The following FOXM1 variants were observed in gnomAD, a reference collection of about 807,000 sequenced individuals.
FOXM1 encodes forkhead box M1, also known as forkhead box protein M1.
A neutral mutation model predicts 63.6 loss-of-function variants in FOXM1; 25 were observed. The ratio of observed to expected loss-of-function variants is 0.39; its 90% CI spans 0.29 to 0.55. The LOEUF (loss-of-function observed/expected upper bound fraction) is 0.55, where lower values mean the gene tolerates loss of function less well. FOXM1 is among the 20% of genes least tolerant of loss of function. The pLI is 0.60. For synonymous variants in FOXM1, 387 were observed against 376.9 expected (o/e 1.03, Z -0.31); for missense variants, 879 against 958.7 (o/e 0.92, Z 1.10).
chr12:2,872,857 G>A lies in FOXM1; in HGVS notation c.503-610C>T, dbSNP rs2098135466. 6.6e-6 allele frequency among the ~76,000 whole-genome samples: 1 copy of A among 151,998 alleles called. No individual in the cohort carries two copies. The highest frequency in any genetic ancestry group is 6.6e-5 in the Admixed American group (1 of 15,250). Reference sequence around the variant, plus strand: ...TGCACACCAAAAAAGTCACTTTTCAGCCTGGGCAATATAGTGGGACCCCAT... The same window carrying A: ...TGCACACCAAAAAAGTCACTTTTCAACCTGGGCAATATAGTGGGACCCCAT... On this transcript the variant is annotated intron_variant, in intron 2 of 8. Transcript: ENST00000359843. This position sits in a 1 kb window ranked among gnomAD's most constrained non-coding sequence, Gnocchi z 4.0.
rs770475263 is a variant in FOXM1 at position 2,864,479 on chromosome 12, T to C, written c.1107A>G (p.Pro369=). Residue 369 remains proline, a synonymous_variant, in exon 8 of 9, where the codon CCA becomes CCG. Coordinates refer to ENST00000359843, the MANE Select transcript of FOXM1 (RefSeq NM_021953.4). This position sits in a 1 kb window ranked among gnomAD's most constrained non-coding sequence, Gnocchi z 5.1. ...LPLGARRKMK[P]LLPRVSSYLV... ...GGTATGAGCTGACCCGTGGTAGCAGTGGCTTCATCTTCCGCCCTAGGAGGA... is the reference window on the plus strand; with the variant it reads ...GGTATGAGCTGACCCGTGGTAGCAGCGGCTTCATCTTCCGCCCTAGGAGGA... The C allele has an allele frequency of 4.7e-5, 76 of 1,612,296 alleles. No homozygotes were observed. The highest frequency in any genetic ancestry group is 6.4e-5 in the Non-Finnish European group (75 of 1,178,668).
rs755898214 is a variant in FOXM1, at chr12:2,859,187, G to A, written c.1743C>T (p.Ser581=). 6.2e-7 allele frequency: 1 copy of A among 1,610,594 alleles called. No homozygotes were observed. Among genetic ancestry groups the A allele is most frequent in the Non-Finnish European group, 8.5e-7 (1 of 1,177,990 alleles). The change falls in exon 9 of 9, where the codon TCC becomes TCT. Residue 581 remains serine, a synonymous_variant. Transcript: ENST00000359843. ...WAAELPFPAD[S]SDPASQLSYS... ...AGCTGAGCTGGGAGGCAGGGTCAGA[G>A]GAGTCTGCTGGGAACGGGAGCTCTG...
chr12:2,869,735 C>A (rs1565474387), intron 3 of FOXM1, among the ~76,000 whole-genome samples: 1 of 145,600 alleles, frequency 6.9e-6, no homozygotes, highest in Non-Finnish European at 1.5e-5. Flanking sequence ...TTGCGCCTGG[C>A]GATTTTTTTT....
rs182676992 is a variant in FOXM1, at chr12:2,870,530, G to A, written c.654+1566C>T. 8.8e-3 allele frequency among the ~76,000 whole-genome samples: 1,334 copies of A among 152,000 alleles called. 8 individuals carry two copies. The highest frequency in any genetic ancestry group is 0.014 in the Non-Finnish European group (972 of 67,988). On this transcript the variant is annotated intron_variant, in intron 3 of 8. Coordinates refer to ENST00000359843, the MANE Select transcript of FOXM1 (RefSeq NM_021953.4). ...ATAAAAAAATTAGCCGGGCGTGGTG[G>A]CGGGCGCCTATAGTCCCAGCTACTC...
In FOXM1 at chr12:2,868,768, C is replaced by A; in HGVS notation, c.655-14G>T. 1.2e-6 allele frequency: 2 copies of A among 1,601,950 alleles called. No individual in the cohort carries two copies. Among genetic ancestry groups the A allele is most frequent in the South Asian group, 2.2e-5 (2 of 89,128 alleles). On this transcript the variant is annotated splice_polypyrimidine_tract_variant and intron_variant, in intron 3 of 8. Coordinates refer to ENST00000359843, the MANE Select transcript of FOXM1 (RefSeq NM_021953.4). ...AGGCTCCTCAACCTGAGGGTTATGA[C>A]ACAGGGAATGACATGAAAGAGTTCA...
chr12:2,860,317 A>C (rs980506319), intron 8 of FOXM1, among the ~76,000 whole-genome samples: 6 of 152,140 alleles, frequency 3.9e-5, no homozygotes, highest in African/African-American at 1.4e-4. Flanking sequence ...TCCCATCTCT[A>C]CAAAAAAATT....
Position 2,875,613 on chromosome 12 carries a change from A to G in FOXM1, c.-47-1088T>C, listed in dbSNP as rs115389938. ...GTGGTTATATATATTTTAACTAAGC[A>G]TGCCACTTTATTAATTTCTTTTCCA... On this transcript the variant is annotated intron_variant, in intron 1 of 8. Transcript: ENST00000359843. Among the ~76,000 whole-genome samples, 1,275 of 152,264 alleles carry G rather than the reference A, an allele frequency of 8.4e-3. 20 individuals are homozygous for G. The highest frequency in any genetic ancestry group is 0.028 in the African/African-American group (1,181 of 41,566).
rs2098135283 is a variant in FOXM1 at position 2,872,737 on chromosome 12, A to C, written c.503-490T>G. On this transcript the variant is annotated intron_variant, in intron 2 of 8. Transcript: ENST00000359843. This position sits in a 1 kb window ranked among gnomAD's most constrained non-coding sequence, Gnocchi z 4.0. ...TCTGCCCCATTATGCATTTCAGGAC[A>C]AATTTAGGAGCATAGTTCAAATTGC... Among the ~76,000 whole-genome samples, 1 of 152,200 alleles carries C rather than the reference A, an allele frequency of 6.6e-6. No individual in the cohort carries two copies.
intron 3 of FOXM1, among the ~76,000 whole-genome samples, chr12:2,871,029 T>G (rs2098132448): frequency 7.3e-6 from 1 of 137,416 alleles, no homozygotes; most frequent in Non-Finnish European, 1.5e-5. Context: ...AAGGGAACAC[T>G]AGACACCAGG....
At chr12:2,867,992 AAAAAAAAG>A (rs1414859295) in intron 4 of FOXM1, among the ~76,000 whole-genome samples, 1 of 151,670 alleles carries the variant, frequency 6.6e-6, no homozygotes, top group African/African-American at 2.4e-5. Context: ...AAAAAAAAAA[AAAAAAAAG>A]AAAGAGTTCT....
rs1365062563 is a variant in FOXM1, at chr12:2,874,202, C to T, written c.277G>A (p.Ala93Thr). Residue 93 changes from alanine (A) to threonine (T), a missense_variant, in exon 2 of 9, where the codon GCC (alanine) becomes ACC (threonine). Physicochemically the swap from Ala to Thr is moderately conservative, Grantham distance 58. Coordinates refer to ENST00000359843, the MANE Select transcript of FOXM1 (RefSeq NM_021953.4). The surrounding 1 kb of genome is among the most constrained non-coding windows in gnomAD (Gnocchi z 4.3). ...CTACTGCCACTCTCTTTTCCCTTGG[C>T]AGTCAGTGCTGTGATGATGCTGTGA... ...NIHSIITALT[A>T]KGKESGSSGP... 1 of 1,614,194 alleles carries T rather than the reference C, an allele frequency of 6.2e-7. No homozygotes were observed. Among genetic ancestry groups the T allele is most frequent in the Admixed American group, 1.7e-5 (1 of 60,008 alleles).
rs369638730 is a variant in FOXM1 at position 2,859,288 on chromosome 12, G to C, written c.1642C>G (p.Gln548Glu). ...TCCACACAGGGAGGCAGTAGATGCT[G>C]TTTTCTCCGAGACCGGCTCCTCTCC... ...RRERSRSRRK[Q>E]HLLPPCVDEP... The change falls in exon 9 of 9, where the codon CAG becomes GAG. Residue 548 changes from glutamine (Q) to glutamate (E), a missense_variant. By Grantham distance (29) the Gln-to-Glu change is conservative. Transcript: ENST00000359843. 1.1e-5 allele frequency: 17 copies of C among 1,613,524 alleles called. No homozygotes were observed. The highest frequency in any genetic ancestry group is 2.7e-5 in the African/African-American group (2 of 74,868).
Position 2,858,912 on chromosome 12 carries a change from G to A in FOXM1, c.2018C>T (p.Pro673Leu), listed in dbSNP as rs28919870. 8.9e-3 allele frequency: 14,401 copies of A among 1,613,858 alleles called. 86 individuals are homozygous for A. Among genetic ancestry groups the A allele is most frequent in the Non-Finnish European group, 0.011 (12,739 of 1,179,984 alleles). ...GGGTTCTGAACTGAGGAGCCTTTGC[G>A]GTGATTCAAGGGGGGGAGCACTTTG... ...PLQSAPPLES[P>L]QRLLSSEPLD... The change falls in exon 9 of 9, where the codon CCG becomes CTG. Residue 673 changes from proline to leucine, a missense_variant. Pro to Leu is a moderately conservative substitution (Grantham distance 98, BLOSUM62 -3). Transcript: ENST00000359843.
chr12:2,862,699 TA>T lies in FOXM1; in HGVS notation c.1266+1620del, dbSNP rs752051408. Among the ~76,000 whole-genome samples, 710 of 144,344 alleles carry T rather than the reference TA, an allele frequency of 4.9e-3. 7 individuals carry two copies. The highest frequency in any genetic ancestry group is 0.017 in the African/African-American group (663 of 38,128). The allele number at this position is 144,344 out of a possible 152,430, so 94.7% of individuals were successfully genotyped here. A position where few individuals can be genotyped will look rare whatever the true frequency, so the allele number is the denominator to read the frequency against. On this transcript the variant is annotated intron_variant, in intron 8 of 8. Transcript: ENST00000359843. ...GTATACATGAAAATGCCTGGCTAAT[TA>T]AAAAAAAATTTTTTTTTTTTTGTTA...
intron 3 of FOXM1, among the ~76,000 whole-genome samples, chr12:2,871,679 A>G (rs1280550874): frequency 6.6e-6 from 1 of 152,100 alleles, no homozygotes; most frequent in Non-Finnish European, 1.5e-5. Context: ...ATACGTGTAT[A>G]TATATAACTG....
rs2098119929 is a variant in FOXM1 at position 2,864,680 on chromosome 12, A to G, written c.1090+3T>C. ...GGCCCAAGGCCCACTCTCCCATACT[A>G]ACGTGCGCCCAGGGGGAGTTCGGTT... On this transcript the variant is annotated splice_donor_region_variant and intron_variant, in intron 7 of 8. Transcript: ENST00000359843. The surrounding 1 kb of genome is among the most constrained non-coding windows in gnomAD (Gnocchi z 5.1). 1 of 1,614,048 alleles carries G rather than the reference A, an allele frequency of 6.2e-7. No individual in the cohort carries two copies. Among genetic ancestry groups the G allele is most frequent in the East Asian group, 2.2e-5 (1 of 44,872 alleles).
At chr12:2,867,535 G>A (rs576610248) in intron 4 of FOXM1, among the ~76,000 whole-genome samples, 2 of 152,004 alleles carry the variant, frequency 1.3e-5, no homozygotes, top group South Asian at 4.1e-4. Flanking sequence ...AGTGGCGGGC[G>A]CCTGTAGTCC....
intron 3 of FOXM1, 30 bp from the exon 4 acceptor site, chr12:2,868,784 A>C (rs745590066): frequency 1.3e-6 from 2 of 1,580,528 alleles, no homozygotes; most frequent in Non-Finnish European, 1.7e-6. Context: ...GAATGACATG[A>C]AAGAGTTCAT....
At position 2,865,403 on chromosome 12, in the gene FOXM1, G is replaced by A. The variant is rs1248950732; in HGVS notation, c.976-4C>T. 6.2e-7 allele frequency: 1 copy of A among 1,610,192 alleles called. No homozygotes were observed. The highest frequency in any genetic ancestry group is 1.1e-5 in the South Asian group (1 of 90,600). On this transcript the variant is annotated splice_region_variant and splice_polypyrimidine_tract_variant and intron_variant, in intron 5 of 8. Transcript: ENST00000359843. ...GTGGAGACCCTGGGTCCAGTGGCTGGTGGCGGCCAGGCATTGTGGGAGAGA... is the reference window on the plus strand; with the variant it reads ...GTGGAGACCCTGGGTCCAGTGGCTGATGGCGGCCAGGCATTGTGGGAGAGA...
Sources: allele counts gnomAD v4.1 joint callset (sites outside exome capture counted in the v4.1 genomes callset), GRCh38; gene constraint gnomAD v4.1.1; non-coding constraint Gnocchi (gnomAD v3.1); transcripts MANE v1.5; gene names NCBI Gene and HGNC (gene_info 2026-07-23, HGNC 2026-07-21).